ABCC1: variants seen among roughly 807,000 people sequenced by gnomAD.
ABCC1 encodes multidrug resistance-associated protein 1.
In ABCC1, 83 loss-of-function variants were observed where a neutral mutation model predicts 172.9. That is an observed-to-expected ratio of 0.48 (90% CI 0.40 to 0.58). The LOEUF is 0.58. Among genes scored for constraint, ABCC1 ranks in the 20% least tolerant of loss-of-function variants. The pLI, the probability that ABCC1 is intolerant of heterozygous loss-of-function variation, is 0.00. For synonymous variants in ABCC1, 937 were observed against 825.2 expected (o/e 1.14, Z -2.32); for missense variants, 1,817 against 2,002.7 (o/e 0.91, Z 1.77).
At chr16:16,132,510 G>GTTTTTTTTTTTTTTTTTTTTTTTTTTTT (rs71137915) in intron 27 of ABCC1, among the ~76,000 whole-genome samples, 1 of 37,298 alleles carries the variant, frequency 2.7e-5, no homozygotes, top group African/African-American at 1.0e-4. Flanking sequence ...TTGGTTGGTT[G>GTTTTTTTTTTTTTTTTTTTTTTTTTTTT]TTTTTTTTTT....
intron 8 of ABCC1, 137 bp downstream of exon 8, chr16:16,044,817 CT>C (rs1567343657): frequency 1.3e-6 from 1 of 793,244 alleles, no homozygotes. Context: ...TTTACTTTAG[CT>C]TTTTTGAAAA....
intron 21 of ABCC1, among the ~76,000 whole-genome samples, chr16:16,110,016 C>T (rs1441270072): frequency 6.6e-6 from 1 of 152,172 alleles, no homozygotes; most frequent in Non-Finnish European, 1.5e-5. Flanking sequence ...CTCTCAGTTC[C>T]CCAGATGCAC....
At chr16:16,082,386 C>T (rs77524116) in intron 16 of ABCC1, among the ~76,000 whole-genome samples, 1 of 152,246 alleles carries the variant, frequency 6.6e-6, no homozygotes, top group Non-Finnish European at 1.5e-5. Flanking sequence ...AGTTTGAGAC[C>T]AGGCTTAGCA....
chr16:16,062,336 CTT>C, intron 12 of ABCC1, among the ~76,000 whole-genome samples: 1 of 152,208 alleles, frequency 6.6e-6, no homozygotes, highest in South Asian at 2.1e-4. Flanking sequence ...CTTTTCTTCT[CTT>C]TTTTCTTTCT....
intron 1 of ABCC1, among the ~76,000 whole-genome samples, chr16:15,986,330 G>A (rs2046743612): frequency 6.6e-6 from 1 of 151,890 alleles, no homozygotes; most frequent in African/African-American, 2.4e-5. Context: ...ATCTAGGACA[G>A]GGGTCCCCAA....
At chr16:16,126,556 G>A (rs996756222) in intron 26 of ABCC1, among the ~76,000 whole-genome samples, 3 of 151,964 alleles carry the variant, frequency 2.0e-5, no homozygotes, top group Admixed American at 2.0e-4. Flanking sequence ...GCTAATTTTT[G>A]TATTTTTAGT....
rs142765461 is a variant in ABCC1, at chr16:16,096,710, G to C, written c.2645-5917G>C. On this transcript the variant is annotated intron_variant, in intron 19 of 30. Transcript: ENST00000399410. Reference sequence around the variant, plus strand: ...GCCTGCTGGACCTTGCCCAAGCAGAGTTCCAGAACCTTCTTGAGTAAAGGC... The same window carrying C: ...GCCTGCTGGACCTTGCCCAAGCAGACTTCCAGAACCTTCTTGAGTAAAGGC... 9.2e-5 allele frequency among the ~76,000 whole-genome samples: 14 copies of C among 152,316 alleles called. No individual in the cohort carries two copies. The East Asian group carries it at 1.7e-3, about 19-fold the overall frequency.
Position 16,121,995 on chromosome 16 carries a change from C to G in ABCC1, c.3411C>G (p.Ser1137=), listed in dbSNP as rs2045181860. Reference sequence around the variant, plus strand: ...CCCAGAGGTTCTACGTGGCTTCCTCCCGGCAGCTGAAGCGCCTCGAGTCGG... The same window carrying G: ...CCCAGAGGTTCTACGTGGCTTCCTCGCGGCAGCTGAAGCGCCTCGAGTCGG... ...FFVQRFYVAS[S]RQLKRLESVS... Residue 1137 remains serine, a synonymous_variant, in exon 24 of 31, where the codon TCC becomes TCG. Coordinates refer to ENST00000399410, the MANE Select transcript of ABCC1 (RefSeq NM_004996.4). 6.2e-7 allele frequency: 1 copy of G among 1,614,204 alleles called. No individual in the cohort carries two copies. Among genetic ancestry groups the G allele is most frequent in the East Asian group, 2.2e-5 (1 of 44,884 alleles).
rs4148356 is a variant in ABCC1, at chr16:16,083,418, G to A, written c.2168G>A (p.Arg723Gln). The A allele has an allele frequency of 0.014, 23,018 of 1,613,812 alleles. 404 individuals carry two copies. Among genetic ancestry groups the A allele is most frequent in the Admixed American group, 0.065 (3,916 of 60,012 alleles). Residue 723 changes from arginine to glutamine, a missense_variant, in exon 17 of 31, where the codon CGA becomes CAA. Arg to Gln is a conservative substitution (Grantham distance 43, BLOSUM62 1). Around this residue, in one of 3 missense-constraint regions of ABCC1, gnomAD observed 1,412 missense variants for 1,600.3 expected, o/e 0.88. Transcript: ENST00000399410. ...GCCTGGATTCAGAATGATTCTCTCCGAGAAAACATCCTTTTTGGATGTCAG... is the reference window on the plus strand; with the variant it reads ...GCCTGGATTCAGAATGATTCTCTCCAAGAAAACATCCTTTTTGGATGTCAG... Reference protein sequence around the residue: ...QQAWIQNDSLRENILFGCQLE... With the variant: ...QQAWIQNDSLQENILFGCQLE...
At chr16:16,050,872 C>A (rs569000921) in intron 10 of ABCC1, among the ~76,000 whole-genome samples, 1 of 151,842 alleles carries the variant, frequency 6.6e-6, no homozygotes, top group African/African-American at 2.4e-5. Flanking sequence ...CCACTGCACT[C>A]CTACCTGGGT....
rs532036870 is a variant in ABCC1, at chr16:15,953,164, C to G, written c.48+3365C>G. 2.6e-5 allele frequency among the ~76,000 whole-genome samples: 4 copies of G among 152,054 alleles called. No individual in the cohort carries two copies. The South Asian group carries it at 8.3e-4, about 32-fold the overall frequency. On this transcript the variant is annotated intron_variant, in intron 1 of 30. Coordinates refer to ENST00000399410, the MANE Select transcript of ABCC1 (RefSeq NM_004996.4). Reference sequence around the variant, plus strand: ...CAGCCTGACCAACATGGCAAAACCCCATCCCTACTAAAAATACAAAAATTA... The same window carrying G: ...CAGCCTGACCAACATGGCAAAACCCGATCCCTACTAAAAATACAAAAATTA...
rs772386062 is a variant in ABCC1 at position 16,142,987 on chromosome 16, G to A, written c.*1706G>A. The A allele has an allele frequency of 2.0e-5, 3 of 152,256 alleles. No homozygotes were observed. Among genetic ancestry groups the A allele is most frequent in the Non-Finnish European group, 2.9e-5 (2 of 68,000 alleles). 9.4% of individuals were successfully genotyped at this position (152,256 alleles called of 1,614,324 possible). A position where few individuals can be genotyped will look rare whatever the true frequency, so the allele number is the denominator to read the frequency against. ...CACATTAGATAAACTAAGTTTTGGG[G>A]GATCCTTTTGTAATGACTTACACTG... On this transcript the variant is annotated 3_prime_UTR_variant, in exon 31 of 31. Transcript: ENST00000399410.
intron 26 of ABCC1, among the ~76,000 whole-genome samples, chr16:16,128,757 G>A (rs1405429165): frequency 6.6e-6 from 1 of 152,216 alleles, no homozygotes; most frequent in Non-Finnish European, 1.5e-5. Context: ...CCAGCACTTT[G>A]AGAGGCCAAG....
At chr16:15,998,339 C>G (rs2047130329) in intron 1 of ABCC1, among the ~76,000 whole-genome samples, 2 of 152,060 alleles carry the variant, frequency 1.3e-5, no homozygotes, top group African/African-American at 4.8e-5. Flanking sequence ...GTTGCCCAGG[C>G]TTTTCTTGAA....
intron 1 of ABCC1, among the ~76,000 whole-genome samples, chr16:15,983,624 C>T (rs1022158454): frequency 9.0e-5 from 13 of 144,386 alleles, no homozygotes; most frequent in African/African-American, 2.3e-4. Flanking sequence ...GGCATGATCA[C>T]GGCTCACTGT....
At chr16:16,015,875 C>T (rs984162465) in intron 4 of ABCC1, among the ~76,000 whole-genome samples, 18 of 152,128 alleles carry the variant, frequency 1.2e-4, no homozygotes, top group African/African-American at 4.3e-4. Flanking sequence ...TAAGAACCAC[C>T]GGTGGTTTAT....
At position 16,036,082 on chromosome 16, in the gene ABCC1, C is replaced by G. The variant is rs72775879; in HGVS notation, c.678-390C>G. ...GAGGCTGCAGGGAGCTGCGATCGCACCACTGTACTCCATCCTGGGTGACAC... is the reference window on the plus strand; with the variant it reads ...GAGGCTGCAGGGAGCTGCGATCGCAGCACTGTACTCCATCCTGGGTGACAC... On this transcript the variant is annotated intron_variant, in intron 6 of 30. Coordinates refer to ENST00000399410, the MANE Select transcript of ABCC1 (RefSeq NM_004996.4). Among the ~76,000 whole-genome samples, 706 of 152,178 alleles carry G rather than the reference C, an allele frequency of 4.6e-3. 3 individuals carry two copies. The highest frequency in any genetic ancestry group is 6.7e-3 in the Non-Finnish European group (457 of 68,022).
intron 8 of ABCC1, among the ~76,000 whole-genome samples, chr16:16,045,395 CAAAA>C (rs34870561): frequency 4.6e-5 from 3 of 64,704 alleles, no homozygotes; most frequent in African/African-American, 1.2e-4. Context: ...GACTTTGTCT[CAAAA>C]AAAAAAAAAA....
At position 16,032,247 on chromosome 16, in the gene ABCC1, C is replaced by T. The variant is rs150367913; in HGVS notation, c.616-862C>T. On this transcript the variant is annotated intron_variant, in intron 5 of 30. Coordinates refer to ENST00000399410, the MANE Select transcript of ABCC1 (RefSeq NM_004996.4). ...CTCATGATCTGCCTGCCTCGGTCTC[C>T]GAAAGTGCTGGGATTACAGGCCCAG... is the stretch of plus-strand genomic sequence containing the variant. 6.5e-4 allele frequency among the ~76,000 whole-genome samples: 99 copies of T among 152,180 alleles called. 1 individual carries two copies. The highest frequency in any genetic ancestry group is 1.8e-3 in the African/African-American group (76 of 41,518).
Sources: allele counts gnomAD v4.1 joint callset (sites outside exome capture counted in the v4.1 genomes callset), GRCh38; gene constraint gnomAD v4.1.1; regional missense constraint gnomAD v4.1.1; transcripts MANE v1.5; gene names NCBI Gene and HGNC (gene_info 2026-07-23, HGNC 2026-07-21).